The following DNAJC1 variants were observed in gnomAD, a reference collection of about 807,000 sequenced individuals.
DNAJC1 encodes the protein DnaJ heat shock protein family (Hsp40) member C1, also known as dnaJ homolog subfamily C member 1.
DNAJC1 carries 58 observed loss-of-function variants against 76.6 expected under a neutral mutation model. The observed-to-expected ratio is 0.76, with a 90% confidence interval of 0.61 to 0.94. The LOEUF (loss-of-function observed/expected upper bound fraction) is 0.94. DNAJC1 is among the 40% of genes least tolerant of loss of function. The pLI, the probability that DNAJC1 is intolerant of heterozygous loss-of-function variation, is 0.00. For synonymous variants in DNAJC1, 258 were observed against 267.9 expected (o/e 0.96, Z 0.36); for missense variants, 689 against 677.3 (o/e 1.02, Z -0.19).
intron 1 of DNAJC1, among the ~76,000 whole-genome samples, chr10:21,982,918 G>C (rs530820352): frequency 3.3e-5 from 5 of 152,134 alleles, no homozygotes; most frequent in Non-Finnish European, 5.9e-5. Context: ...AGCCAGGCAT[G>C]ATGGCGCACA....
At chr10:21,935,266 A>G (rs142252890) in intron 1 of DNAJC1, among the ~76,000 whole-genome samples, 1 of 152,294 alleles carries the variant, frequency 6.6e-6, no homozygotes, top group East Asian at 1.9e-4. Context: ...GTCTCACATA[A>G]TTGAGAATAT....
Position 21,758,612 on chromosome 10 carries a change from TGGCCTCAG to T in DNAJC1, c.1596+550_1596+557del, listed in dbSNP as rs145274791. Among the ~76,000 whole-genome samples the T allele has an allele frequency of 6.1e-3, 936 of 152,380 alleles. 13 individuals are homozygous for T. The highest frequency in any genetic ancestry group is 0.021 in the African/African-American group (878 of 41,598). ...GCCTGGCACTGACCACATACGGAGA[TGGCCTCAG>T]GGCCTCTGGACAGCCACCAGGTGTA... On this transcript the variant is annotated intron_variant, in intron 11 of 11. Coordinates refer to ENST00000376980, the MANE Select transcript of DNAJC1 (RefSeq NM_022365.4).
chr10:21,845,758 T>C (rs1188292114), intron 8 of DNAJC1, among the ~76,000 whole-genome samples: 3 of 151,958 alleles, frequency 2.0e-5, no homozygotes, highest in Non-Finnish European at 1.5e-5. Context: ...ATGCAGAAAA[T>C]AATTATTAAA....
intron 3 of DNAJC1, among the ~76,000 whole-genome samples, chr10:21,922,976 C>T (rs981740958): frequency 2.0e-5 from 3 of 151,936 alleles, no homozygotes; most frequent in African/African-American, 7.2e-5. Flanking sequence ...GAGAAAACAG[C>T]TGAACTCATA....
chr10:21,838,633 G>GA lies in DNAJC1; in HGVS notation c.979-32535dup, dbSNP rs199706519. Among the ~76,000 whole-genome samples the GA allele has an allele frequency of 3.0e-3, 448 of 149,874 alleles. 7 individuals carry two copies. The highest frequency in any genetic ancestry group is 8.5e-4 in the South Asian group (4 of 4,732). ...AGAATGATCAATAAATACTAAAAAAGAAAAAAAAATAATAATGGGAGACTT... is the reference window on the plus strand; with the variant it reads ...AGAATGATCAATAAATACTAAAAAAGAAAAAAAAAATAATAATGGGAGACTT... On this transcript the variant is annotated intron_variant, in intron 8 of 11. Transcript: ENST00000376980.
chr10:21,849,760 T>C (rs1045246036), intron 8 of DNAJC1, among the ~76,000 whole-genome samples: 1 of 152,060 alleles, frequency 6.6e-6, no homozygotes, highest in Non-Finnish European at 1.5e-5. Flanking sequence ...AAAACAATTA[T>C]ACACTAAGAT....
chr10:21,909,567 TA>T (rs1468944747), intron 6 of DNAJC1, among the ~76,000 whole-genome samples: 1 of 152,184 alleles, frequency 6.6e-6, no homozygotes, highest in Non-Finnish European at 1.5e-5. Context: ...ATGCAATCAA[TA>T]AATAAAGTTT....
intron 1 of DNAJC1, among the ~76,000 whole-genome samples, chr10:21,994,955 T>C (rs1053466933): frequency 6.7e-6 from 1 of 148,764 alleles, no homozygotes; most frequent in African/African-American, 2.4e-5. Flanking sequence ...TATATATTTA[T>C]ACATGTTAAC....
chr10:21,912,160 T>G (rs1051087641), intron 6 of DNAJC1, among the ~76,000 whole-genome samples: 2 of 152,098 alleles, frequency 1.3e-5, no homozygotes, highest in East Asian at 3.8e-4. Context: ...AATTTATTCT[T>G]TTTTAGTTTT....
At chr10:21,957,229 A>G (rs1326550890) in intron 1 of DNAJC1, among the ~76,000 whole-genome samples, 1 of 152,090 alleles carries the variant, frequency 6.6e-6, no homozygotes, top group Non-Finnish European at 1.5e-5. Context: ...GTATTTTGCC[A>G]ATCCCTGATT....
intron 8 of DNAJC1, among the ~76,000 whole-genome samples, chr10:21,858,534 G>T (rs1835874908): frequency 6.6e-6 from 1 of 152,214 alleles, no homozygotes; most frequent in Admixed American, 6.5e-5. Context: ...TGGCTGTATA[G>T]AAGATCTGTG....
At chr10:21,866,235 A>G (rs1836000505) in intron 8 of DNAJC1, among the ~76,000 whole-genome samples, 1 of 151,938 alleles carries the variant, frequency 6.6e-6, no homozygotes, top group Non-Finnish European at 1.5e-5. Flanking sequence ...GTTTTATTAC[A>G]TAACAATGGA....
chr10:21,969,266 G>A (rs1296236896), intron 1 of DNAJC1, among the ~76,000 whole-genome samples: 5 of 142,804 alleles, frequency 3.5e-5, no homozygotes. Flanking sequence ...TAGGGACAAA[G>A]AGTTGGAATA....
intron 7 of DNAJC1, among the ~76,000 whole-genome samples, chr10:21,897,203 A>C (rs1026963449): frequency 2.0e-5 from 3 of 152,208 alleles, no homozygotes; most frequent in African/African-American, 7.2e-5. Flanking sequence ...TCTTTAACAA[A>C]ATAGTAGCAA....
At chr10:21,954,007 GTCTC>G (rs1359976882) in intron 1 of DNAJC1, among the ~76,000 whole-genome samples, 1 of 151,786 alleles carries the variant, frequency 6.6e-6, no homozygotes, top group African/African-American at 2.4e-5. Context: ...ACTGTACACT[GTCTC>G]TCAATCTAAA....
chr10:21,996,286 G>A (rs142324879), intron 1 of DNAJC1, among the ~76,000 whole-genome samples: 2 of 152,240 alleles, frequency 1.3e-5, no homozygotes, highest in Non-Finnish European at 2.9e-5. Context: ...AAGTCACATA[G>A]TACCATTTAT....
intron 8 of DNAJC1, among the ~76,000 whole-genome samples, chr10:21,862,657 GA>G (rs1475169502): frequency 5.9e-5 from 9 of 151,360 alleles, no homozygotes; most frequent in African/African-American, 1.9e-4. Flanking sequence ...TCGAACGCCT[GA>G]TCTCAGGTGA....
At chr10:21,800,544 T>C (rs1366620580) in intron 9 of DNAJC1, among the ~76,000 whole-genome samples, 4 of 152,174 alleles carry the variant, frequency 2.6e-5, no homozygotes, top group East Asian at 1.9e-4. Context: ...TGTCAACCGA[T>C]AGGATATTCT....
At chr10:21,898,836 TA>T (rs796846094) in intron 7 of DNAJC1, among the ~76,000 whole-genome samples, 339 of 131,030 alleles carry the variant, frequency 2.6e-3, no homozygotes, top group Admixed American at 2.6e-3. Flanking sequence ...TTCTACTTAC[TA>T]AAAAAAAAAA....
Sources: allele counts gnomAD v4.1 joint callset (sites outside exome capture counted in the v4.1 genomes callset), GRCh38; gene constraint gnomAD v4.1.1; transcripts MANE v1.5; gene names NCBI Gene and HGNC (gene_info 2026-07-23, HGNC 2026-07-21).